CACNA1B: variants seen among roughly 807,000 people sequenced by gnomAD.
CACNA1B encodes the protein calcium voltage-gated channel subunit alpha1 B.
In CACNA1B, 70 loss-of-function variants were observed where a neutral mutation model predicts 247.2. That is an observed-to-expected ratio of 0.28 (90% CI 0.23 to 0.35). The LOEUF (loss-of-function observed/expected upper bound fraction) is 0.35, where lower values mean the gene tolerates loss of function less well. Ranked by LOEUF, CACNA1B falls within the 10% of genes least tolerant of loss-of-function variation. The pLI is 1.00. For missense variants in CACNA1B, 2,367 were observed against 3,197.4 expected (o/e 0.74, Z 6.26); for synonymous variants, 1,231 against 1,294.4 (o/e 0.95, Z 1.05).
intron 12 of CACNA1B, 61 bp downstream of exon 12, chr9:137,976,080 C>A (rs772674028): frequency 1.7e-5 from 17 of 1,019,028 alleles, no homozygotes; most frequent in Non-Finnish European, 2.3e-5. Flanking sequence ...GCACACAGCC[C>A]CCTCCCATAG....
chr9:138,017,244 A>G (rs375479501), intron 18 of CACNA1B: 8 of 517,452 alleles, frequency 1.5e-5, no homozygotes, highest in African/African-American at 1.5e-4. Flanking sequence ...GCTTCATGAT[A>G]ACTACATGCA....
At chr9:138,117,366 G>C (rs926448784) in intron 42 of CACNA1B, among the ~76,000 whole-genome samples, 1 of 152,142 alleles carries the variant, frequency 6.6e-6, no homozygotes, top group African/African-American at 2.4e-5. Context: ...GAAGCCCAAA[G>C]AGTCCCGGGC....
intron 3 of CACNA1B, among the ~76,000 whole-genome samples, chr9:137,889,165 G>A (rs540964703): frequency 1.3e-5 from 2 of 150,346 alleles, no homozygotes; most frequent in South Asian, 4.2e-4. Context: ...CACTGTGCCC[G>A]AGGGGCCAGG....
At position 137,880,514 on chromosome 9, in the gene CACNA1B, C is replaced by T. The variant is rs932198896; in HGVS notation, c.390+1355C>T. ...AGGGACGCAGGCCCAGGAGCCAGGCCGGGGCGGGGGCAGGGAGGATCAAGC... is the reference window on the plus strand; with the variant it reads ...AGGGACGCAGGCCCAGGAGCCAGGCTGGGGCGGGGGCAGGGAGGATCAAGC... On this transcript the variant is annotated intron_variant, in intron 2 of 46. Coordinates refer to ENST00000371372, the MANE Select transcript of CACNA1B (RefSeq NM_000718.4). This position sits in a 1 kb window ranked among gnomAD's most constrained non-coding sequence, Gnocchi z 4.8. 2.6e-5 allele frequency among the ~76,000 whole-genome samples: 4 copies of T among 152,138 alleles called. No homozygotes were observed. Among genetic ancestry groups the T allele is most frequent in the Admixed American group, 1.3e-4 (2 of 15,278 alleles).
intron 16 of CACNA1B, among the ~76,000 whole-genome samples, chr9:138,008,648 G>A (rs963880885): frequency 2.0e-5 from 3 of 152,258 alleles, no homozygotes; most frequent in Non-Finnish European, 4.4e-5. Context: ...TATTCGGCCT[G>A]GCAGAGGCCA....
intron 31 of CACNA1B, among the ~76,000 whole-genome samples, chr9:138,066,770 A>T (rs1304624130): frequency 6.6e-6 from 1 of 152,234 alleles, no homozygotes; most frequent in Non-Finnish European, 1.5e-5. Context: ...TACAGCCTTA[A>T]TGTTTATATT....
At chr9:138,120,053 A>G in intron 44 of CACNA1B, 112 bp from the exon 45 acceptor site, 1 of 893,158 alleles carries the variant, frequency 1.1e-6, no homozygotes, top group Non-Finnish European at 1.7e-6. Context: ...TGAGACCAGG[A>G]TGGGGGGCGT....
intron 5 of CACNA1B, among the ~76,000 whole-genome samples, chr9:137,916,533 G>GAGACC (rs1564888073): frequency 6.6e-6 from 1 of 152,164 alleles, no homozygotes; most frequent in African/African-American, 2.4e-5. Context: ...TCAGTGCAGC[G>GAGACC]AGACCTGGGC....
At chr9:138,068,342 T>G (rs1477685738) in intron 31 of CACNA1B, among the ~76,000 whole-genome samples, 2 of 152,230 alleles carry the variant, frequency 1.3e-5, no homozygotes, top group East Asian at 3.8e-4. Flanking sequence ...TTGGTTTTAC[T>G]TTTCTTTAAA....
At chr9:137,992,447 T>C (rs1958442144) in intron 15 of CACNA1B, among the ~76,000 whole-genome samples, 1 of 152,164 alleles carries the variant, frequency 6.6e-6, no homozygotes, top group African/African-American at 2.4e-5. Flanking sequence ...AAACAATTAC[T>C]ACTAGACCTA....
intron 37 of CACNA1B, among the ~76,000 whole-genome samples, chr9:138,097,992 G>T (rs999554671): frequency 9.9e-5 from 15 of 152,184 alleles, no homozygotes; most frequent in African/African-American, 3.1e-4. Context: ...ACAAGGTCCA[G>T]AGCCACTGGC....
rs117124499 is a variant in CACNA1B at position 138,038,173 on chromosome 9, G to A, written c.3287-5601G>A. Among the ~76,000 whole-genome samples the A allele has an allele frequency of 6.8e-4, 103 of 152,250 alleles. No homozygotes were observed. The East Asian group carries it at 0.016, about 24-fold the overall frequency. ...AATTTTGAATTTTAACGTGTTTGAC[G>A]TATTTCAGTTCTTTGCAATCACTAT... On this transcript the variant is annotated intron_variant, in intron 20 of 46. Coordinates refer to ENST00000371372, the MANE Select transcript of CACNA1B (RefSeq NM_000718.4).
In CACNA1B at chr9:138,105,742, C is replaced by A; in HGVS notation, c.5363C>A (p.Thr1788Asn). ...ATGCCCATCTCCAACGAGGACATGA[C>A]TGTTCACTTCACGTCCACGCTGATG... ...MNMPISNEDM[T>N]VHFTSTLMAL... The change falls in exon 39 of 47, where the codon ACT becomes AAT. Residue 1788 changes from threonine (T) to asparagine (N), a missense_variant. By Grantham distance (65) the Thr-to-Asn change is moderately conservative (BLOSUM62 0). Transcript: ENST00000371372. The A allele has an allele frequency of 6.4e-7, 1 of 1,567,148 alleles. No homozygotes were observed. Among genetic ancestry groups the A allele is most frequent in the Non-Finnish European group, 8.6e-7 (1 of 1,156,934 alleles).
rs749971633 is a variant in CACNA1B, at chr9:138,113,183, C to T, written c.5536+678C>T. Among the ~76,000 whole-genome samples the T allele has an allele frequency of 1.3e-4, 17 of 134,544 alleles. No individual in the cohort carries two copies. In the East Asian group the frequency reaches 2.1e-3, roughly 16 times the overall value. The allele number at this position is 134,544 out of a possible 152,430, so 88.3% of individuals were successfully genotyped here. On this transcript the variant is annotated intron_variant, in intron 40 of 46. Coordinates refer to ENST00000371372, the MANE Select transcript of CACNA1B (RefSeq NM_000718.4). ...CATCTTATGGGAACGTGAGGGAGCG[C>T]GGGGACGTGCACACCTCCTTCTTTT...
intron 15 of CACNA1B, among the ~76,000 whole-genome samples, chr9:137,988,046 C>T (rs1361305723): frequency 6.6e-6 from 1 of 152,230 alleles, no homozygotes; most frequent in Non-Finnish European, 1.5e-5. Context: ...GACTGTCCTC[C>T]CTTTCTCTGA....
rs116659851 is a variant in CACNA1B, at chr9:138,102,570, C to G, written c.5223-141C>G. On this transcript the variant is annotated intron_variant, in intron 37 of 46. Coordinates refer to ENST00000371372, the MANE Select transcript of CACNA1B (RefSeq NM_000718.4). This position sits in a 1 kb window ranked among gnomAD's most constrained non-coding sequence, Gnocchi z 5.4. ...TTATTTTGATTTTGGGCTTTGAATC[C>G]GACACTTTGATTAACTGGCTCTGTT... The G allele has an allele frequency of 1.9e-6, 1 of 537,414 alleles. No homozygotes were observed. Among genetic ancestry groups the G allele is most frequent in the African/African-American group, 1.9e-5 (1 of 51,352 alleles). 33.3% of individuals were successfully genotyped at this position (537,414 alleles called of 1,614,324 possible).
chr9:138,059,313 A>G lies in CACNA1B; in HGVS notation c.4584+124A>G, dbSNP rs1959632024. 1.5e-6 allele frequency: 1 copy of G among 662,728 alleles called. No individual in the cohort carries two copies. Among genetic ancestry groups the G allele is most frequent in the Non-Finnish European group, 2.8e-6 (1 of 357,216 alleles). 41.1% of individuals were successfully genotyped at this position (662,728 alleles called of 1,614,324 possible). ...TCTCCGAGTACCCAGAGTATATGTA[A>G]TGCTACAGGGGCCCTGGGGAAGGGG... On this transcript the variant is annotated intron_variant, in intron 30 of 46. Coordinates refer to ENST00000371372, the MANE Select transcript of CACNA1B (RefSeq NM_000718.4). The surrounding 1 kb of genome is among the most constrained non-coding windows in gnomAD (Gnocchi z 4.2).
chr9:138,028,017 C>A (rs576528150), intron 20 of CACNA1B, among the ~76,000 whole-genome samples: 16 of 150,686 alleles, frequency 1.1e-4, no homozygotes, highest in African/African-American at 3.2e-4. Flanking sequence ...TCCACTCCCC[C>A]CCAACCTTTT....
At chr9:137,936,427 G>A (rs1055345572) in intron 6 of CACNA1B, among the ~76,000 whole-genome samples, 9 of 152,178 alleles carry the variant, frequency 5.9e-5, no homozygotes, top group Admixed American at 1.3e-4. Flanking sequence ...CTCCCATTCT[G>A]TAGGTTGCCT....
Sources: gnomAD v4.1 joint callset for allele counts (sites outside exome capture counted in the v4.1 genomes callset) on GRCh38, gnomAD v4.1.1 for gene constraint, Gnocchi (gnomAD v3.1) non-coding constraint, MANE v1.5 for transcripts, NCBI Gene and HGNC (gene_info 2026-07-23, HGNC 2026-07-21) for gene names.